HS6ST3: variants seen among roughly 807,000 people sequenced by gnomAD.
HS6ST3 encodes heparan-sulfate 6-O-sulfotransferase 3.
HS6ST3 carries 12 observed loss-of-function variants against 36.7 expected under a neutral mutation model. The ratio of observed to expected loss-of-function variants is 0.33; its 90% CI spans 0.21 to 0.53. HS6ST3 has a LOEUF of 0.53. Among genes scored for constraint, HS6ST3 ranks in the 20% least tolerant of loss-of-function variants. The pLI, the probability that HS6ST3 is intolerant of heterozygous loss-of-function variation, is 0.95. For missense variants in HS6ST3, 584 were observed against 640.9 expected (o/e 0.91, Z 0.96); for synonymous variants, 240 against 257.5 (o/e 0.93, Z 0.65).
At chr13:96,361,663 C>G (rs1226324470) in intron 1 of HS6ST3, among the ~76,000 whole-genome samples, 1 of 152,124 alleles carries the variant, frequency 6.6e-6, no homozygotes, top group Non-Finnish European at 1.5e-5. Flanking sequence ...CCATCAGAAG[C>G]TGGAAGCAAG....
chr13:96,769,734 CTG>C (rs66777701), intron 1 of HS6ST3, among the ~76,000 whole-genome samples: 18,441 of 140,052 alleles, frequency 0.13, 1,205 homozygotes, highest in East Asian at 0.22. Context: ...ATTCCTAGCT[CTG>C]TGTGTGTGTG....
intron 1 of HS6ST3, among the ~76,000 whole-genome samples, chr13:96,148,294 T>A (rs1174398079): frequency 6.6e-6 from 1 of 152,232 alleles, no homozygotes; most frequent in Non-Finnish European, 1.5e-5. Context: ...GAGGACTTAC[T>A]GTTAAGTGCA....
rs146300899 is a variant in HS6ST3, at chr13:96,662,495, G to A, written c.708-169995G>A. ...TAATCGATCTCTTCTTTCATATCAT[G>A]TTTGTGTGTGTGTGTATGGGGTGTG... On this transcript the variant is annotated intron_variant, in intron 1 of 1. Coordinates refer to ENST00000376705, the MANE Select transcript of HS6ST3 (RefSeq NM_153456.4). 2.2e-3 allele frequency among the ~76,000 whole-genome samples: 278 copies of A among 124,808 alleles called. 1 individual carries two copies. The highest frequency in any genetic ancestry group is 8.0e-3 in the African/African-American group (258 of 32,062). 81.9% of individuals were successfully genotyped at this position (124,808 alleles called of 152,430 possible). A position where few individuals can be genotyped will look rare whatever the true frequency, so the allele number is the denominator to read the frequency against.
At chr13:96,166,417 C>T (rs901993162) in intron 1 of HS6ST3, among the ~76,000 whole-genome samples, 3 of 152,152 alleles carry the variant, frequency 2.0e-5, no homozygotes, top group African/African-American at 7.2e-5. Flanking sequence ...CATTCTCTCT[C>T]CTCTAAGCCC....
chr13:96,780,898 C>T (rs1283527600), intron 1 of HS6ST3, among the ~76,000 whole-genome samples: 1 of 151,722 alleles, frequency 6.6e-6, no homozygotes, highest in East Asian at 1.9e-4. Flanking sequence ...CCCAATCAAA[C>T]AGCAGCAGCA....
intron 1 of HS6ST3, among the ~76,000 whole-genome samples, chr13:96,646,460 A>G (rs191259501): frequency 1.2e-3 from 177 of 152,152 alleles, no homozygotes; most frequent in Middle Eastern, 6.8e-3. Flanking sequence ...GGACACCAGG[A>G]TATAATTACT....
intron 1 of HS6ST3, among the ~76,000 whole-genome samples, chr13:96,537,152 C>T (rs2056158802): frequency 6.6e-6 from 1 of 152,146 alleles, no homozygotes; most frequent in African/African-American, 2.4e-5. Flanking sequence ...GGGGAGGCCT[C>T]ATAATCATGG....
intron 1 of HS6ST3, among the ~76,000 whole-genome samples, chr13:96,398,849 C>G (rs909027272): frequency 6.6e-6 from 1 of 152,188 alleles, no homozygotes; most frequent in Non-Finnish European, 1.5e-5. Flanking sequence ...GAGGCTGCCT[C>G]TAGGACAGTT....
At chr13:96,482,202 A>G (rs2055893040) in intron 1 of HS6ST3, among the ~76,000 whole-genome samples, 1 of 152,096 alleles carries the variant, frequency 6.6e-6, no homozygotes, top group Non-Finnish European at 1.5e-5. Flanking sequence ...TACACCAGCA[A>G]TGATATTTAC....
chr13:96,396,753 G>C (rs890177475), intron 1 of HS6ST3, among the ~76,000 whole-genome samples: 8 of 152,072 alleles, frequency 5.3e-5, no homozygotes, highest in Non-Finnish European at 1.2e-4. Flanking sequence ...AAGGGCAATG[G>C]GTGTCCTCTT....
chr13:96,363,364 C>G (rs2055248611), intron 1 of HS6ST3, among the ~76,000 whole-genome samples: 1 of 151,388 alleles, frequency 6.6e-6, no homozygotes, highest in Non-Finnish European at 1.5e-5. Flanking sequence ...AGAAGTTGAC[C>G]CAGAAGTGGC....
chr13:96,454,211 A>G (rs1488527865), intron 1 of HS6ST3, among the ~76,000 whole-genome samples: 1 of 152,146 alleles, frequency 6.6e-6, no homozygotes, highest in Non-Finnish European at 1.5e-5. Context: ...AATTTAGGGC[A>G]TATATTAGGA....
intron 1 of HS6ST3, among the ~76,000 whole-genome samples, chr13:96,561,086 C>A (rs1165642832): frequency 6.6e-6 from 1 of 151,860 alleles, no homozygotes; most frequent in Non-Finnish European, 1.5e-5. Flanking sequence ...CAATCCCAAG[C>A]AAAAAAACAA....
intron 1 of HS6ST3, among the ~76,000 whole-genome samples, chr13:96,121,925 T>C (rs2053927346): frequency 6.6e-6 from 1 of 152,100 alleles, no homozygotes; most frequent in South Asian, 2.1e-4. Context: ...GGGTTATCAT[T>C]ACCATGGCAA....
At chr13:96,553,943 C>T (rs950037750) in intron 1 of HS6ST3, among the ~76,000 whole-genome samples, 4 of 152,192 alleles carry the variant, frequency 2.6e-5, no homozygotes, top group African/African-American at 9.7e-5. Context: ...GACTCAGAGA[C>T]TATTGGTACA....
chr13:96,699,055 A>G (rs996054692), intron 1 of HS6ST3, among the ~76,000 whole-genome samples: 5 of 152,348 alleles, frequency 3.3e-5, no homozygotes, highest in Admixed American at 2.6e-4. Context: ...ATATGTAGAA[A>G]GCTGAAAGTG....
chr13:96,720,502 A>G (rs1263853850), intron 1 of HS6ST3, among the ~76,000 whole-genome samples: 1 of 152,118 alleles, frequency 6.6e-6, no homozygotes, highest in Non-Finnish European at 1.5e-5. Flanking sequence ...GGAAAAAAAA[A>G]TGAAGAGAGA....
chr13:96,156,867 G>A (rs1054356343), intron 1 of HS6ST3, among the ~76,000 whole-genome samples: 3 of 152,192 alleles, frequency 2.0e-5, no homozygotes, highest in Non-Finnish European at 2.9e-5. Context: ...TGCAGGCAGA[G>A]TATAGGATTG....
intron 1 of HS6ST3, among the ~76,000 whole-genome samples, chr13:96,789,734 A>C (rs541183956): frequency 6.9e-6 from 1 of 144,532 alleles, no homozygotes; most frequent in African/African-American, 2.7e-5. Context: ...ATGTTGTTGC[A>C]TTGCCTCCTG....
Sources: gnomAD v4.1 joint callset for allele counts (sites outside exome capture counted in the v4.1 genomes callset) on GRCh38, gnomAD v4.1.1 for gene constraint, MANE v1.5 for transcripts, NCBI Gene and HGNC (gene_info 2026-07-23, HGNC 2026-07-21) for gene names.